The following MMD2 variants were observed in gnomAD, a reference collection of about 807,000 sequenced individuals.
MMD2 encodes the protein monocyte to macrophage differentiation factor 2.
MMD2 carries 30 observed loss-of-function variants against 33.5 expected under a neutral mutation model. The ratio of observed to expected loss-of-function variants is 0.90; its 90% CI spans 0.67 to 1.22. The LOEUF is 1.22. MMD2 is among the 50% of genes most tolerant of loss of function. The pLI is 0.00. For missense variants in MMD2, 364 were observed against 325.4 expected (o/e 1.12, Z -0.91); for synonymous variants, 129 against 123.0 (o/e 1.05, Z -0.32).
chr7:4,950,785 C>T (rs1308033925), intron 1 of MMD2, among the ~76,000 whole-genome samples: 4 of 150,610 alleles, frequency 2.7e-5, no homozygotes, highest in African/African-American at 9.8e-5. Flanking sequence ...GTGATCTCAG[C>T]TCACTGCACC....
At chr7:4,907,710 G>A in intron 6 of MMD2, 111 bp from the exon 7 acceptor site, 1 of 965,754 alleles carries the variant, frequency 1.0e-6, no homozygotes. Flanking sequence ...TGGCAAACCA[G>A]CCCAGACTCC....
intron 1 of MMD2, among the ~76,000 whole-genome samples, chr7:4,952,994 TG>T (rs1209121160): frequency 6.7e-6 from 1 of 148,868 alleles, no homozygotes; most frequent in Non-Finnish European, 1.5e-5. Flanking sequence ...GTTTTTTGTT[TG>T]TTTTTTTGTT....
chr7:4,907,411 G>T lies in MMD2; in HGVS notation c.726C>A (p.Thr242=). 1 of 1,613,770 alleles carries T rather than the reference G, an allele frequency of 6.2e-7. No individual in the cohort carries two copies. Among genetic ancestry groups the T allele is most frequent in the South Asian group, 1.1e-5 (1 of 91,066 alleles). ...RYLYLPSTLQ[T]KVSK ...CTGGGTCACCTCATTTGGACACCTT[G>T]GTCTGCAGGGTGCTGGGCAGATAGA... Residue 242 remains threonine (T), a synonymous_variant, in exon 7 of 7, where the codon ACC becomes ACA. Coordinates refer to ENST00000401401, the MANE Select transcript of MMD2 (RefSeq NM_198403.4).
rs917990325 is a variant in MMD2, at chr7:4,940,672, C to T, written c.48-15140G>A. Among the ~76,000 whole-genome samples, 1 of 152,160 alleles carries T rather than the reference C, an allele frequency of 6.6e-6. No individual in the cohort carries two copies. The highest frequency in any genetic ancestry group is 1.9e-4 in the East Asian group (1 of 5,190). ...AGTCTTTGGGAAACAGTCCTTGGGC[C>T]GGTGCCACCTGGGAATGGTCATGAA... On this transcript the variant is annotated intron_variant, in intron 1 of 6. Coordinates refer to ENST00000401401, the MANE Select transcript of MMD2 (RefSeq NM_198403.4). The surrounding 1 kb of genome is among the most constrained non-coding windows in gnomAD (Gnocchi z 5.0).
the MMD2 span, among the ~76,000 whole-genome samples, chr7:4,898,137 TC>T: frequency 2.0e-5 from 3 of 151,998 alleles, no homozygotes; most frequent in African/African-American, 4.8e-5. Context: ...AGCCTCAAGG[TC>T]CCCCACGAAC....
chr7:4,904,082 G>T (rs549299144), downstream of MMD2, among the ~76,000 whole-genome samples: 2 of 152,290 alleles, frequency 1.3e-5, no homozygotes, highest in African/African-American at 2.4e-5. Context: ...ACAAGCAGGT[G>T]CCACCATGTC....
In MMD2 at chr7:4,925,505, G is replaced by T; in HGVS notation, c.75C>A (p.His25Gln). 6.3e-7 allele frequency: 1 copy of T among 1,579,624 alleles called. No homozygotes were observed. Among genetic ancestry groups the T allele is most frequent in the Non-Finnish European group, 8.6e-7 (1 of 1,160,980 alleles). ...CATACTCTGTGGGCTGGTACCTCTTGTGGGCAGGGACTCGGTGGTTCATGA... is the reference window on the plus strand; with the variant it reads ...CATACTCTGTGGGCTGGTACCTCTTTTGGGCAGGGACTCGGTGGTTCATGA... The part of the protein sequence containing the change: ...ARFMNHRVPA[H>Q]KRYQPTEYEH... The change falls in exon 2 of 7, where the codon CAC (histidine) becomes CAA (glutamine). Residue 25 changes from histidine (H) to glutamine (Q), a missense_variant. By Grantham distance (24) the His-to-Gln change is conservative. Transcript: ENST00000401401.
intron 1 of MMD2, among the ~76,000 whole-genome samples, chr7:4,957,789 A>C (rs1186060882): frequency 1.3e-5 from 2 of 152,180 alleles, no homozygotes; most frequent in Non-Finnish European, 2.9e-5. Context: ...TAGACTCATC[A>C]TGTCCCCCAG....
At chr7:4,914,655 G>A (rs1029166439) in intron 4 of MMD2, among the ~76,000 whole-genome samples, 3 of 152,176 alleles carry the variant, frequency 2.0e-5, no homozygotes, top group South Asian at 2.1e-4. Flanking sequence ...CTCAGGCCGG[G>A]CACGGTGGCT....
chr7:4,935,692 A>C lies in MMD2; in HGVS notation c.48-10160T>G, dbSNP rs1473319562. ...GACCCTGTCTCAAAAAAAAAAAAAA[A>C]AAAAACCAAAAAAATTGTATACGTT... is the stretch of plus-strand genomic sequence containing the variant. On this transcript the variant is annotated intron_variant, in intron 1 of 6. Coordinates refer to ENST00000401401, the MANE Select transcript of MMD2 (RefSeq NM_198403.4). Among the ~76,000 whole-genome samples, 4 of 150,698 alleles carry C rather than the reference A, an allele frequency of 2.7e-5. No homozygotes were observed. The Admixed American group carries it at 2.7e-4, about 10-fold the overall frequency.
chr7:4,911,336 C>A, intron 4 of MMD2, 90 bp from the exon 5 acceptor site: 1 of 1,021,608 alleles, frequency 9.8e-7, no homozygotes, highest in Non-Finnish European at 1.4e-6. Flanking sequence ...GAAATGGACC[C>A]CAGGGAAGTC....
chr7:4,923,452 G>A (rs1785337973), intron 2 of MMD2, among the ~76,000 whole-genome samples: 1 of 152,118 alleles, frequency 6.6e-6, no homozygotes, highest in East Asian at 1.9e-4. Context: ...AAACACACTT[G>A]TCAATGTGCC....
At chr7:4,938,002 C>CTTTTTTTTTTTTTTTTTTTTTTTT (rs1165504272) in intron 1 of MMD2, among the ~76,000 whole-genome samples, 6 of 45,646 alleles carry the variant, frequency 1.3e-4, no homozygotes, top group Admixed American at 3.9e-4. Flanking sequence ...TTCTTTCTTT[C>CTTTTTTTTTTTTTTTTTTTTTTTT]TTTTTTTTTT....
At chr7:4,926,784 G>A (rs911431528) in intron 1 of MMD2, among the ~76,000 whole-genome samples, 12 of 151,064 alleles carry the variant, frequency 7.9e-5, no homozygotes, top group African/African-American at 2.2e-4. Context: ...GTGCTCTGTC[G>A]CCCAGGCTGG....
At chr7:4,912,554 T>A (rs1358699996) in intron 4 of MMD2, among the ~76,000 whole-genome samples, 1 of 147,988 alleles carries the variant, frequency 6.8e-6, no homozygotes, top group Non-Finnish European at 1.5e-5. Flanking sequence ...AGAGCAAGAC[T>A]CTGTCTCAAA....
chr7:4,939,008 G>C (rs1785828021), intron 1 of MMD2, among the ~76,000 whole-genome samples: 1 of 151,868 alleles, frequency 6.6e-6, no homozygotes, highest in African/African-American at 2.4e-5. Flanking sequence ...GGGAGTTGGA[G>C]ACCAGCCTGG....
At chr7:4,895,938 C>T in the MMD2 span, among the ~76,000 whole-genome samples, 3,493 of 152,228 alleles carry the variant, frequency 0.023, 128 homozygotes, top group African/African-American at 0.08. Flanking sequence ...CTGCTCACTC[C>T]TTCCCGGGAA....
chr7:4,937,463 A>G lies in MMD2; in HGVS notation c.48-11931T>C, dbSNP rs116055587. 4.7e-3 allele frequency among the ~76,000 whole-genome samples: 710 copies of G among 151,894 alleles called. 1 individual carries two copies. The highest frequency in any genetic ancestry group is 0.015 in the African/African-American group (618 of 41,436). On this transcript the variant is annotated intron_variant, in intron 1 of 6. Coordinates refer to ENST00000401401, the MANE Select transcript of MMD2 (RefSeq NM_198403.4). ...GAAAGGAAGAAAGGAAGGAAGGAAG[A>G]AAGAAAGGGAAATTATTATAAATTA...
At chr7:4,908,725 C>T (rs991587335) in intron 6 of MMD2, among the ~76,000 whole-genome samples, 23 of 151,754 alleles carry the variant, frequency 1.5e-4, no homozygotes, top group South Asian at 1.0e-3. Context: ...AGTGAAACCC[C>T]ATCTCTACTA....
Sources: gnomAD v4.1 joint callset for allele counts (sites outside exome capture counted in the v4.1 genomes callset) on GRCh38, gnomAD v4.1.1 for gene constraint, Gnocchi (gnomAD v3.1) non-coding constraint, MANE v1.5 for transcripts, NCBI Gene and HGNC (gene_info 2026-07-23, HGNC 2026-07-21) for gene names.